Variants in KALRN observed in about 807,000 individuals in gnomAD.
KALRN encodes the protein kalirin RhoGEF kinase.
KALRN carries 70 observed loss-of-function variants against 353.7 expected under a neutral mutation model. That is an observed-to-expected ratio of 0.20 (90% CI 0.16 to 0.24). The LOEUF is 0.24. KALRN is among the 10% of genes least tolerant of loss of function. KALRN has a pLI of 1.00. For synonymous variants in KALRN, 1,391 were observed against 1,434.8 expected (o/e 0.97, Z 0.69); for missense variants, 2,791 against 3,756.7 (o/e 0.74, Z 6.72).
chr3:124,283,276 T>A (rs1307322365), intron 5 of KALRN, among the ~76,000 whole-genome samples: 1 of 152,218 alleles, frequency 6.6e-6, no homozygotes, highest in Non-Finnish European at 1.5e-5. Context: ...CTAAATTAAC[T>A]TGCCAAGGGC....
intron 1 of KALRN, among the ~76,000 whole-genome samples, chr3:124,048,210 G>T (rs1464424932): frequency 6.6e-6 from 1 of 151,992 alleles, no homozygotes; most frequent in Non-Finnish European, 1.5e-5. Context: ...TGTTTGGAGG[G>T]GTAAAGGTAT....
At chr3:124,594,792 G>A (rs1417162065) in intron 34 of KALRN, among the ~76,000 whole-genome samples, 1 of 152,102 alleles carries the variant, frequency 6.6e-6, no homozygotes, top group Non-Finnish European at 1.5e-5. Flanking sequence ...CTCCCCAGGA[G>A]ATCAGCAAGC....
chr3:124,241,791 G>C (rs147350701), intron 3 of KALRN, among the ~76,000 whole-genome samples: 1 of 152,174 alleles, frequency 6.6e-6, no homozygotes, highest in Non-Finnish European at 1.5e-5. Flanking sequence ...ATACAGCCTC[G>C]CTGTTGACTG....
At position 124,248,283 on chromosome 3, in the gene KALRN, C is replaced by T. The variant is rs73188161; in HGVS notation, c.263+13340C>T. On this transcript the variant is annotated intron_variant, in intron 3 of 59. Coordinates refer to ENST00000682506, the MANE Select transcript of KALRN (RefSeq NM_001388419.1). ...CCCCCATACTCCTTAGGGCCAATGC[C>T]GGGATCTCTATTTCAGACATGAAGT... is the stretch of plus-strand genomic sequence containing the variant. Among the ~76,000 whole-genome samples, 310 of 152,348 alleles carry T rather than the reference C, an allele frequency of 2.0e-3. 1 individual carries two copies. The highest frequency in any genetic ancestry group is 3.5e-3 in the Admixed American group (54 of 15,310).
chr3:124,413,631 T>C lies in KALRN; in HGVS notation c.2508T>C (p.Asp836=). Residue 836 remains aspartate, a synonymous_variant, in exon 14 of 60, where the codon GAT becomes GAC. Coordinates refer to ENST00000682506, the MANE Select transcript of KALRN (RefSeq NM_001388419.1). ...TTGAGGTTATCCAGCAGGGACAGGA[T>C]CTGCACCAGTACATCACGGAGGTCC... ...MTFEVIQQGQ[D]LHQYITEVQA... is the part of the protein sequence containing the mutation. The C allele has an allele frequency of 6.2e-7, 1 of 1,614,096 alleles. No homozygotes were observed. The highest frequency in any genetic ancestry group is 8.5e-7 in the Non-Finnish European group (1 of 1,180,006).
At chr3:124,640,228 G>T (rs1455826564) in intron 37 of KALRN, among the ~76,000 whole-genome samples, 1 of 151,544 alleles carries the variant, frequency 6.6e-6, no homozygotes, top group African/African-American at 2.4e-5. Flanking sequence ...GTATTCAAAG[G>T]TATTCAAACC....
chr3:124,258,935 A>G (rs1482022683), intron 3 of KALRN, among the ~76,000 whole-genome samples: 1 of 152,260 alleles, frequency 6.6e-6, no homozygotes, highest in East Asian at 1.9e-4. Context: ...GGCCAACTGT[A>G]TACAATTTAT....
In KALRN at chr3:124,511,627, T is replaced by C. The variant is rs187344844; in HGVS notation, c.4935+15214T>C. 8.5e-5 allele frequency among the ~76,000 whole-genome samples: 13 copies of C among 152,252 alleles called. No homozygotes were observed. In the East Asian group the frequency reaches 2.5e-3, roughly 29 times the overall value. On this transcript the variant is annotated intron_variant, in intron 33 of 59. Coordinates refer to ENST00000682506, the MANE Select transcript of KALRN (RefSeq NM_001388419.1). Reference sequence around the variant, plus strand: ...TAGAGCCTCCAGTGAGCAGGCCCCTTCCCTCTGCCCCTGCTCCTCCCCTGG... The same window carrying C: ...TAGAGCCTCCAGTGAGCAGGCCCCTCCCCTCTGCCCCTGCTCCTCCCCTGG...
chr3:124,236,544 G>A (rs527271517), intron 3 of KALRN, among the ~76,000 whole-genome samples: 138 of 152,248 alleles, frequency 9.1e-4, no homozygotes, highest in African/African-American at 3.1e-3. Flanking sequence ...GAAGAAATTG[G>A]GATCCCGGAA....
intron 38 of KALRN, among the ~76,000 whole-genome samples, chr3:124,654,307 C>T (rs1385648589): frequency 2.0e-5 from 3 of 152,200 alleles, no homozygotes; most frequent in African/African-American, 7.2e-5. Context: ...GCATGTGTTC[C>T]TCTGCTTCCT....
intron 13 of KALRN, among the ~76,000 whole-genome samples, chr3:124,412,392 G>A (rs544261769): frequency 2.2e-4 from 34 of 152,324 alleles, no homozygotes; most frequent in South Asian, 1.9e-3. Context: ...TGACACTTTC[G>A]TCTCCTGAGA....
intron 34 of KALRN, 130 bp from the exon 35 acceptor site, chr3:124,632,290 C>A: frequency 1.2e-6 from 1 of 800,758 alleles, no homozygotes; most frequent in Non-Finnish European, 2.0e-6. Context: ...GTTCTCTGGA[C>A]TGGGGTCTAC....
chr3:124,601,254 A>T (rs2076778012), intron 34 of KALRN, among the ~76,000 whole-genome samples: 1 of 152,242 alleles, frequency 6.6e-6, no homozygotes, highest in Non-Finnish European at 1.5e-5. Context: ...GCTACCTGGT[A>T]TATGGAATGC....
chr3:124,706,235 ATGGAGCATCCCTGCCCT>A (rs1460762317), intron 57 of KALRN, among the ~76,000 whole-genome samples: 3 of 152,054 alleles, frequency 2.0e-5, no homozygotes, highest in Non-Finnish European at 4.4e-5. Flanking sequence ...AAAGGGAAAA[ATGGAGCATCCCTGCCCT>A]TGGGGACACC....
intron 37 of KALRN, among the ~76,000 whole-genome samples, chr3:124,639,730 G>A (rs1708701101): frequency 6.6e-6 from 1 of 152,206 alleles, no homozygotes; most frequent in Non-Finnish European, 1.5e-5. Flanking sequence ...TTGAATGAAT[G>A]TCCTTTCTGT....
At chr3:124,456,762 C>A in intron 23 of KALRN, 34 bp downstream of exon 23, 1 of 1,468,070 alleles carries the variant, frequency 6.8e-7, no homozygotes, top group African/African-American at 1.4e-5. Context: ...TAGCTGGCTC[C>A]CCGTGACTAT....
intron 3 of KALRN, among the ~76,000 whole-genome samples, chr3:124,259,435 G>A (rs888288218): frequency 4.6e-5 from 7 of 152,272 alleles, no homozygotes; most frequent in Non-Finnish European, 1.0e-4. Context: ...ATCTCCTATG[G>A]CAGCTTAGAC....
At position 124,395,951 on chromosome 3, in the gene KALRN, T is replaced by C. The variant is rs3772738; in HGVS notation, c.2171+608T>C. On this transcript the variant is annotated intron_variant, in intron 12 of 59. Coordinates refer to ENST00000682506, the MANE Select transcript of KALRN (RefSeq NM_001388419.1). ...ATCCTGTCTAAAATTTTTCATTTGT[T>C]TAGAATTACCCAGGCCATTGCCTCC... is the stretch of plus-strand genomic sequence containing the variant. Among the ~76,000 whole-genome samples, 1,748 of 152,334 alleles carry C rather than the reference T, an allele frequency of 0.011. 61 individuals carry two copies. In the East Asian group the frequency reaches 0.12, roughly 11 times the overall value.
intron 1 of KALRN, among the ~76,000 whole-genome samples, chr3:124,216,122 C>T (rs2077304328): frequency 6.6e-6 from 1 of 152,252 alleles, no homozygotes; most frequent in Non-Finnish European, 1.5e-5. Context: ...AGAACCACCT[C>T]TAATAAAGCT....
Sources: allele counts gnomAD v4.1 joint callset (sites outside exome capture counted in the v4.1 genomes callset), GRCh38; gene constraint gnomAD v4.1.1; transcripts MANE v1.5; gene names NCBI Gene and HGNC (gene_info 2026-07-23, HGNC 2026-07-21).